CRMP1: variants seen among roughly 807,000 people sequenced by gnomAD.
CRMP1 encodes dihydropyrimidinase-related protein 1.
Under a neutral mutation model 68.3 loss-of-function variants are expected in CRMP1, and 19 were observed. The observed-to-expected ratio is 0.28, with a 90% CI of 0.19 to 0.41. The LOEUF (loss-of-function observed/expected upper bound fraction) is 0.41. CRMP1 is among the 10% of genes least tolerant of loss of function. The pLI, the probability that CRMP1 is intolerant of heterozygous loss-of-function variation, is 1.00. For synonymous variants in CRMP1, 439 were observed against 399.6 expected (o/e 1.10, Z -1.18); for missense variants, 791 against 967.4 (o/e 0.82, Z 2.42).
chr4:5,822,970 C>A (rs1300943677), intron 13 of CRMP1, among the ~76,000 whole-genome samples: 1 of 152,214 alleles, frequency 6.6e-6, no homozygotes, highest in Non-Finnish European at 1.5e-5. Context: ...TTCTTGCTGA[C>A]CTACCCACTG....
Position 5,856,234 on chromosome 4 carries a change from G to T in CRMP1, c.729C>A (p.Thr243=). 1 of 1,614,010 alleles carries T rather than the reference G, an allele frequency of 6.2e-7. No homozygotes were observed. Among genetic ancestry groups the T allele is most frequent in the East Asian group, 2.2e-5 (1 of 44,892 alleles). The change falls in exon 4 of 14, where the codon ACC becomes ACA. Residue 243 remains threonine (T), a synonymous_variant. Coordinates refer to ENST00000324989, the MANE Select transcript of CRMP1 (RefSeq NM_001014809.3). Reference sequence around the variant, plus strand: ...GGAGGGAGTAATCACAGCAGGATTTGGTGTCAGCTGCTTCGTGCCACTTCT... The same window carrying T: ...GGAGGGAGTAATCACAGCAGGATTTTGTGTCAGCTGCTTCGTGCCACTTCT... The part of the protein sequence containing the change: ...SFEKWHEAAD[T]KSCCDYSLHV...
chr4:5,839,656 G>C lies in CRMP1; in HGVS notation c.1176C>G (p.Pro392=). 1.2e-6 allele frequency: 2 copies of C among 1,612,650 alleles called. No individual in the cohort carries two copies. The highest frequency in any genetic ancestry group is 8.5e-7 in the Non-Finnish European group (1 of 1,179,516). ...RKKGPLVFGE[P]IAASLGTDGT... is the part of the protein sequence containing the mutation. ...CATCGGTCCCCAGGCTGGCGGCAAT[G>C]GGCTCTCCAAAAACTAGGGGCCCTT... Residue 392 remains proline (P), a synonymous_variant, in exon 9 of 14, where the codon CCC becomes CCG. Transcript: ENST00000324989.
In CRMP1 at chr4:5,834,633, C is replaced by CCCT. The variant is rs1474360378; in HGVS notation, c.1623+1279_1623+1281dup. On this transcript the variant is annotated intron_variant, in intron 11 of 13. Transcript: ENST00000324989. The surrounding 1 kb of genome is among the most constrained non-coding windows in gnomAD (Gnocchi z 4.3). ...CCAAGACACCCTCTCACTGGCAAGACCCTCTCAGACGCTCTCCCATTGCCT... is the reference window on the plus strand; with the variant it reads ...CCAAGACACCCTCTCACTGGCAAGACCCTCCTCTCAGACGCTCTCCCATTGCCT... 6.6e-6 allele frequency among the ~76,000 whole-genome samples: 1 copy of CCCT among 152,214 alleles called. No homozygotes were observed. The highest frequency in any genetic ancestry group is 2.4e-5 in the African/African-American group (1 of 41,448).
At chr4:5,840,176 C>T (rs1324958930) in intron 8 of CRMP1, among the ~76,000 whole-genome samples, 2 of 152,258 alleles carry the variant, frequency 1.3e-5, no homozygotes, top group African/African-American at 2.4e-5. Context: ...AGCTGAGGGC[C>T]CTGGCACTCA....
At position 5,866,428 on chromosome 4, in the gene CRMP1, G is replaced by C. The variant is rs1023455994; in HGVS notation, c.470+240C>G. ...ATTTTGCAGCCTTTGTGTGAGCATTGCAAGAGAGGAGCTGCCTCAGCCGTG... is the reference window on the plus strand; with the variant it reads ...ATTTTGCAGCCTTTGTGTGAGCATTCCAAGAGAGGAGCTGCCTCAGCCGTG... On this transcript the variant is annotated intron_variant, in intron 2 of 13. Coordinates refer to ENST00000324989, the MANE Select transcript of CRMP1 (RefSeq NM_001014809.3). This position sits in a 1 kb window ranked among gnomAD's most constrained non-coding sequence, Gnocchi z 5.9. Among the ~76,000 whole-genome samples the C allele has an allele frequency of 6.6e-6, 1 of 152,206 alleles. No homozygotes were observed. The highest frequency in any genetic ancestry group is 6.5e-5 in the Admixed American group (1 of 15,288).
intron 9 of CRMP1, among the ~76,000 whole-genome samples, chr4:5,837,204 A>G (rs572842989): frequency 6.6e-6 from 1 of 152,342 alleles, no homozygotes; most frequent in East Asian, 1.9e-4. Flanking sequence ...TGCTTGCAGA[A>G]CAAACACTAT....
At chr4:5,845,738 T>C (rs1335759013) in intron 6 of CRMP1, among the ~76,000 whole-genome samples, 1 of 152,206 alleles carries the variant, frequency 6.6e-6, no homozygotes, top group East Asian at 1.9e-4. Flanking sequence ...GGTGTTACCA[T>C]AAAAGATATC....
chr4:5,843,200 G>T lies in CRMP1; in HGVS notation c.964-39C>A. 1 of 1,609,080 alleles carries T rather than the reference G, an allele frequency of 6.2e-7. No homozygotes were observed. On this transcript the variant is annotated intron_variant, in intron 6 of 13. Coordinates refer to ENST00000324989, the MANE Select transcript of CRMP1 (RefSeq NM_001014809.3). This position sits in a 1 kb window ranked among gnomAD's most constrained non-coding sequence, Gnocchi z 4.1. ...ACAAGTGAGTTAACGATTAGAGGGT[G>T]TCAGAGCTGGGAGAAGTGACTCCTC...
intron 11 of CRMP1, among the ~76,000 whole-genome samples, chr4:5,830,892 C>T (rs73206295): frequency 0.014 from 2,116 of 152,298 alleles, 26 homozygotes; most frequent in South Asian, 0.042. Flanking sequence ...TTGATATGTT[C>T]ACTATATTGG....
intron 13 of CRMP1, chr4:5,824,999 C>A (rs528250180): frequency 3.0e-6 from 3 of 985,356 alleles, no homozygotes; most frequent in Non-Finnish European, 3.6e-6. Context: ...CTTCCGTTTC[C>A]TCTTTAAATA....
chr4:5,869,875 G>A (rs115623422), intron 1 of CRMP1, among the ~76,000 whole-genome samples: 2,393 of 152,066 alleles, frequency 0.016, 74 homozygotes, highest in African/African-American at 0.054. Flanking sequence ...TATTGACCTG[G>A]CTAGCACTGT....
chr4:5,851,339 G>T, intron 5 of CRMP1, 69 bp downstream of exon 5: 2 of 1,407,488 alleles, frequency 1.4e-6, no homozygotes, highest in East Asian at 2.3e-5. Context: ...GCCCTGTGCT[G>T]CCTGGACTGG....
chr4:5,873,845 C>A (rs1002260882), intron 1 of CRMP1, among the ~76,000 whole-genome samples: 1 of 152,162 alleles, frequency 6.6e-6, no homozygotes, highest in Non-Finnish European at 1.5e-5. Flanking sequence ...CTGGAAAGGA[C>A]TGCAGAAGCC....
chr4:5,824,930 T>C, intron 13 of CRMP1: 2 of 985,440 alleles, frequency 2.0e-6, no homozygotes, highest in African/African-American at 1.7e-5. Flanking sequence ...CATCTAATTT[T>C]GTTCCCACAC....
chr4:5,852,007 C>T lies in CRMP1; in HGVS notation c.821-538G>A, dbSNP rs143112649. On this transcript the variant is annotated intron_variant, in intron 4 of 13. Transcript: ENST00000324989. Reference sequence around the variant, plus strand: ...AAGAGGAAGAGGAGGAGAAAGAGGACGAGGAGGAGGAGGAAAACTCCCCAG... The same window carrying T: ...AAGAGGAAGAGGAGGAGAAAGAGGATGAGGAGGAGGAGGAAAACTCCCCAG... Among the ~76,000 whole-genome samples the T allele has an allele frequency of 4.6e-3, 680 of 148,952 alleles. 5 individuals are homozygous for T. The highest frequency in any genetic ancestry group is 0.013 in the African/African-American group (520 of 40,388).
At chr4:5,824,049 C>CAAGGGTGA (rs1379424688) in intron 13 of CRMP1, among the ~76,000 whole-genome samples, 1 of 152,134 alleles carries the variant, frequency 6.6e-6, no homozygotes, top group Non-Finnish European at 1.5e-5. Context: ...ACTGAGAGAA[C>CAAGGGTGA]AAGGGTGAGG....
chr4:5,849,068 A>C lies in CRMP1; in HGVS notation c.963+324T>G, dbSNP rs113615348. ...GAAGAAAAATAAGAGTGTTCATGGGAAAAAGTTCCTTGCCCAAGGTCACAT... is the reference window on the plus strand; with the variant it reads ...GAAGAAAAATAAGAGTGTTCATGGGCAAAAGTTCCTTGCCCAAGGTCACAT... On this transcript the variant is annotated intron_variant, in intron 6 of 13. Transcript: ENST00000324989. Among the ~76,000 whole-genome samples the C allele has an allele frequency of 5.9e-3, 896 of 152,348 alleles. 9 individuals are homozygous for C. Among genetic ancestry groups the C allele is most frequent in the African/African-American group, 0.021 (858 of 41,578 alleles).
chr4:5,828,223 G>A (rs528445973), intron 12 of CRMP1: 20 of 985,256 alleles, frequency 2.0e-5, no homozygotes, highest in South Asian at 4.7e-5. Context: ...CTTGGTAAGC[G>A]TCCCTCCCAT....
At position 5,879,205 on chromosome 4, in the gene CRMP1, G is replaced by A. The variant is rs1002158754; in HGVS notation, c.382-12449C>T. Among the ~76,000 whole-genome samples, 2 of 152,066 alleles carry A rather than the reference G, an allele frequency of 1.3e-5. No individual in the cohort carries two copies. Among genetic ancestry groups the A allele is most frequent in the Non-Finnish European group, 2.9e-5 (2 of 68,012 alleles). On this transcript the variant is annotated intron_variant, in intron 1 of 13. Transcript: ENST00000324989. This position sits in a 1 kb window ranked among gnomAD's most constrained non-coding sequence, Gnocchi z 4.2. ...CACCACATCTATCTACGCACACCAC[G>A]CTCTGCCTCCCTAACTGCACCTTCA...
Sources: allele counts gnomAD v4.1 joint callset (sites outside exome capture counted in the v4.1 genomes callset), GRCh38; gene constraint gnomAD v4.1.1; non-coding constraint Gnocchi (gnomAD v3.1); transcripts MANE v1.5; gene names NCBI Gene and HGNC (gene_info 2026-07-23, HGNC 2026-07-21).